RNF130: variants seen among roughly 807,000 people sequenced by gnomAD.
RNF130 encodes ring finger protein 130, also known as E3 ubiquitin-protein ligase RNF130.
A neutral mutation model predicts 44.6 loss-of-function variants in RNF130; 21 were observed. That is an observed-to-expected ratio of 0.47 (90% CI 0.33 to 0.68). RNF130 has a LOEUF of 0.68. Ranked by LOEUF, RNF130 falls within the 30% of genes least tolerant of loss-of-function variation. The probability of loss-of-function intolerance (pLI) is 0.02; values close to 1 mark genes in which losing one functional copy is unlikely to be tolerated. For missense variants in RNF130, 479 were observed against 560.6 expected, an observed-to-expected ratio of 0.85 and a Z score of 1.47; for synonymous variants, 214 against 210.4, an observed-to-expected ratio of 1.02 and a Z score of -0.15.
At chr5:179,940,986 A>G (rs1326132484) in intron 7 of RNF130, among the ~76,000 whole-genome samples, 2 of 151,940 alleles carry the variant, frequency 1.3e-5, no homozygotes, top group African/African-American at 4.8e-5. Flanking sequence ...GTTGATGTTA[A>G]ACTCTCTATT....
chr5:179,973,435 C>T (rs1451610404), intron 5 of RNF130, among the ~76,000 whole-genome samples: 1 of 152,200 alleles, frequency 6.6e-6, no homozygotes, highest in Non-Finnish European at 1.5e-5. Context: ...AGTTCTGCTA[C>T]AACAGTCTGG....
chr5:180,047,470 C>T (rs1437597434), intron 1 of RNF130, among the ~76,000 whole-genome samples: 4 of 152,154 alleles, frequency 2.6e-5, no homozygotes, highest in East Asian at 1.9e-4. Flanking sequence ...TCTGGCCCGG[C>T]GTGGTGGTTC....
rs76198375 is a variant in RNF130, at chr5:180,069,579, A to G, written c.247+1877T>C. 3.0e-3 allele frequency among the ~76,000 whole-genome samples: 459 copies of G among 152,282 alleles called. 2 individuals carry two copies. Among genetic ancestry groups the G allele is most frequent in the African/African-American group, 0.011 (440 of 41,548 alleles). ...TGTTGCAGTGTCTGAAATCTCACCA[A>G]CTGAGAGATTCCTCTAGGTTAACAA... On this transcript the variant is annotated intron_variant, in intron 1 of 8. Transcript: ENST00000521389.
chr5:179,966,898 C>T lies in RNF130; in HGVS notation c.1058G>A (p.Gly353Asp). The change falls in exon 7 of 9, where the codon GGC becomes GAC. Residue 353 changes from glycine to aspartate, a missense_variant. By Grantham distance (94) the Gly-to-Asp change is moderately conservative. Coordinates refer to ENST00000521389, the MANE Select transcript of RNF130 (RefSeq NM_018434.6). The stretch of plus-strand genomic sequence containing the variant: ...CCCCGAAGTTCGAAGTGGCTCAAGG[C>T]CAAGGGAGTTGTCGCCGGCGAGGTC... The part of the protein sequence containing the change: ...LGDLAGDNSL[G>D]LEPLRTSGIS... 1 of 1,614,216 alleles carries T rather than the reference C, an allele frequency of 6.2e-7. No homozygotes were observed. Among genetic ancestry groups the T allele is most frequent in the Non-Finnish European group, 8.5e-7 (1 of 1,180,034 alleles).
At chr5:179,990,895 T>A (rs189556668) in intron 3 of RNF130, among the ~76,000 whole-genome samples, 1 of 152,376 alleles carries the variant, frequency 6.6e-6, no homozygotes, top group East Asian at 1.9e-4. Context: ...AACTAATGAT[T>A]AATGATATTC....
chr5:179,990,335 C>T (rs594202), intron 3 of RNF130, among the ~76,000 whole-genome samples: 19,422 of 152,194 alleles, frequency 0.13, 1,420 homozygotes, highest in East Asian at 0.27. Context: ...GGACAGCTTA[C>T]GTCATCATTT....
intron 1 of RNF130, among the ~76,000 whole-genome samples, chr5:180,068,844 C>T (rs1243252570): frequency 6.6e-6 from 1 of 152,162 alleles, no homozygotes; most frequent in Non-Finnish European, 1.5e-5. Flanking sequence ...CCACCAGGAC[C>T]TGTCTGATAA....
intron 8 of RNF130, among the ~76,000 whole-genome samples, chr5:179,961,941 A>G (rs1762338841): frequency 1.3e-5 from 2 of 152,200 alleles, no homozygotes; most frequent in Non-Finnish European, 2.9e-5. Flanking sequence ...GCACTGTGCT[A>G]AGCATTTTAT....
intron 7 of RNF130, among the ~76,000 whole-genome samples, chr5:179,927,691 C>T (rs1761725238): frequency 2.0e-5 from 3 of 150,180 alleles, no homozygotes; most frequent in Middle Eastern, 3.2e-3. Context: ...CAGGTTCAAG[C>T]AATTCTCCTG....
At chr5:180,010,469 C>T (rs1296841414) in intron 3 of RNF130, among the ~76,000 whole-genome samples, 4 of 151,994 alleles carry the variant, frequency 2.6e-5, no homozygotes, top group African/African-American at 4.8e-5. Context: ...AAGCAATTCT[C>T]GTGCTTCAGC....
chr5:179,976,252 G>A (rs1386978331), intron 5 of RNF130, among the ~76,000 whole-genome samples: 1 of 152,214 alleles, frequency 6.6e-6, no homozygotes, highest in Non-Finnish European at 1.5e-5. Context: ...TAAGTTCCCA[G>A]AATAAACTAC....
chr5:180,040,801 T>C (rs551444162), intron 1 of RNF130, among the ~76,000 whole-genome samples, 154 bp from the exon 2 acceptor site: 44 of 152,284 alleles, frequency 2.9e-4, no homozygotes, highest in African/African-American at 1.0e-3. Context: ...AACAATACAA[T>C]GAAGCTGAAT....
intron 2 of RNF130, among the ~76,000 whole-genome samples, chr5:180,029,035 G>C (rs1361887766): frequency 6.6e-6 from 1 of 152,128 alleles, no homozygotes; most frequent in South Asian, 2.1e-4. Flanking sequence ...GCCAGTTTAA[G>C]GACTCCGTTA....
chr5:180,009,798 T>C (rs1311663002), intron 3 of RNF130, among the ~76,000 whole-genome samples: 2 of 152,252 alleles, frequency 1.3e-5, no homozygotes, highest in East Asian at 1.9e-4. Flanking sequence ...AACCTGTATG[T>C]GATTGTTCAC....
chr5:179,945,898 C>T (rs373948602), intron 7 of RNF130, among the ~76,000 whole-genome samples: 1 of 132,350 alleles, frequency 7.6e-6, no homozygotes, highest in South Asian at 2.8e-4. Flanking sequence ...ACAATAAATG[C>T]CCGGAGGGAA....
At chr5:179,932,404 T>A (rs1761821738) in intron 7 of RNF130, among the ~76,000 whole-genome samples, 1 of 151,884 alleles carries the variant, frequency 6.6e-6, no homozygotes, top group South Asian at 2.1e-4. Flanking sequence ...ACTACAGACA[T>A]GCGCCACCAC....
chr5:180,050,719 T>C (rs1764669563), intron 1 of RNF130, among the ~76,000 whole-genome samples: 1 of 152,234 alleles, frequency 6.6e-6, no homozygotes, highest in Non-Finnish European at 1.5e-5. Flanking sequence ...CTTTCTTTTG[T>C]TCTCATTCTT....
chr5:180,000,647 TTC>T (rs1262379787), intron 3 of RNF130, among the ~76,000 whole-genome samples: 1 of 152,228 alleles, frequency 6.6e-6, no homozygotes, highest in East Asian at 1.9e-4. Context: ...AGTTGAGAGA[TTC>T]TTTCTTACAT....
chr5:179,919,296 T>A (rs1466404947), exon 8 of RNF130: 1 of 152,894 alleles, frequency 6.5e-6, no homozygotes, highest in East Asian at 1.9e-4. Flanking sequence ...CACCCTGTCC[T>A]GTAAGCCTGT....
Sources: gnomAD v4.1 joint callset for allele counts (sites outside exome capture counted in the v4.1 genomes callset) on GRCh38, gnomAD v4.1.1 for gene constraint, MANE v1.5 for transcripts, NCBI Gene and HGNC (gene_info 2026-07-23, HGNC 2026-07-21) for gene names.